ACTR3C: variants seen among roughly 807,000 people sequenced by gnomAD.
The protein encoded by ACTR3C is actin-related protein 3C.
A neutral mutation model predicts 26.3 loss-of-function variants in ACTR3C; 18 were observed. The ratio of observed to expected loss-of-function variants is 0.68; its 90% CI spans 0.47 to 1.01. The LOEUF (loss-of-function observed/expected upper bound fraction) is 1.01. Ranked by LOEUF, ACTR3C falls within the 50% of genes least tolerant of loss-of-function variation. ACTR3C has a pLI of 0.00. For missense variants in ACTR3C, 184 were observed against 250.7 expected, an observed-to-expected ratio of 0.73 and a Z score of 1.80; for synonymous variants, 55 against 94.5, an observed-to-expected ratio of 0.58 and a Z score of 2.42.
chr7:150,263,298 C>T (rs1170014927), intron 6 of ACTR3C, among the ~76,000 whole-genome samples: 1 of 152,190 alleles, frequency 6.6e-6, no homozygotes, highest in African/African-American at 2.4e-5. Flanking sequence ...TATCTGGAGA[C>T]CTCATATTTC....
the ACTR3C span, among the ~76,000 whole-genome samples, chr7:150,156,141 C>A: frequency 2.4e-4 from 36 of 151,776 alleles, no homozygotes; most frequent in Non-Finnish European, 4.0e-4. Context: ...TGCTGTCCAG[C>A]CTCCCTGACT....
the ACTR3C span, among the ~76,000 whole-genome samples, chr7:150,048,100 G>C: frequency 6.6e-6 from 1 of 152,056 alleles, no homozygotes; most frequent in Non-Finnish European, 1.5e-5. Context: ...GGCTCTGGCT[G>C]TTCTTTCTCT....
chr7:149,996,819 A>T, the ACTR3C span, among the ~76,000 whole-genome samples: 1 of 151,116 alleles, frequency 6.6e-6, no homozygotes, highest in African/African-American at 2.4e-5. Flanking sequence ...CAGAAACCTG[A>T]CTGTTATGCT....
the ACTR3C span, among the ~76,000 whole-genome samples, chr7:150,156,309 T>C: frequency 2.0e-5 from 3 of 152,026 alleles, no homozygotes; most frequent in Non-Finnish European, 4.4e-5. Flanking sequence ...AACTATGCAC[T>C]AATAGAACAG....
the ACTR3C span, among the ~76,000 whole-genome samples, chr7:150,209,571 T>C: frequency 2.0e-5 from 3 of 150,876 alleles, no homozygotes; most frequent in African/African-American, 5.0e-5. Flanking sequence ...GTTATCCACA[T>C]TGCAAGCATC....
At chr7:150,031,304 C>A in the ACTR3C span, among the ~76,000 whole-genome samples, 1 of 150,632 alleles carries the variant, frequency 6.6e-6, no homozygotes, top group Non-Finnish European at 1.5e-5. Context: ...CTGAACCTAG[C>A]CGTGGCTGAT....
the ACTR3C span, among the ~76,000 whole-genome samples, chr7:150,138,179 C>G: frequency 6.6e-6 from 1 of 152,064 alleles, no homozygotes; most frequent in Admixed American, 6.6e-5. Flanking sequence ...GTTGTGACAC[C>G]AAGTAGACAA....
chr7:149,921,287 T>C, the ACTR3C span, among the ~76,000 whole-genome samples: 451 of 152,288 alleles, frequency 3.0e-3, 3 homozygotes, highest in African/African-American at 8.3e-3. Context: ...CTCCCACAGC[T>C]TCCATCTTCT....
chr7:150,192,449 A>G, the ACTR3C span, among the ~76,000 whole-genome samples: 1 of 152,112 alleles, frequency 6.6e-6, no homozygotes, highest in African/African-American at 2.4e-5. Flanking sequence ...TTGCAGGTGC[A>G]TATCACCACG....
the ACTR3C span, among the ~76,000 whole-genome samples, chr7:149,916,188 A>G: frequency 1.0e-5 from 1 of 100,294 alleles, no homozygotes; most frequent in African/African-American, 3.1e-5. Flanking sequence ...TTTGGATAAT[A>G]TTTCCTAATT....
At chr7:150,217,990 A>G in the ACTR3C span, among the ~76,000 whole-genome samples, 1 of 152,082 alleles carries the variant, frequency 6.6e-6, no homozygotes, top group Non-Finnish European at 1.5e-5. Flanking sequence ...GAATGAGACC[A>G]AACAAAAGTG....
At chr7:150,020,960 A>G in the ACTR3C span, among the ~76,000 whole-genome samples, 2 of 151,886 alleles carry the variant, frequency 1.3e-5, no homozygotes, top group Non-Finnish European at 2.9e-5. Context: ...AGCTGAGATT[A>G]CAGGCACCCG....
chr7:150,021,953 T>C, the ACTR3C span, among the ~76,000 whole-genome samples: 1 of 151,926 alleles, frequency 6.6e-6, no homozygotes, highest in African/African-American at 2.4e-5. Flanking sequence ...CTTTTTCATA[T>C]AATGACTTAT....
the ACTR3C span, among the ~76,000 whole-genome samples, chr7:150,229,486 A>C: frequency 6.6e-6 from 1 of 150,836 alleles, no homozygotes; most frequent in Non-Finnish European, 1.5e-5. Context: ...TATTAGAGTG[A>C]ATCTTTTTTT....
At chr7:150,299,460 C>T (rs535079790) in intron 1 of ACTR3C, among the ~76,000 whole-genome samples, 109 of 110,816 alleles carry the variant, frequency 9.8e-4, no homozygotes, top group Non-Finnish European at 1.6e-3. Flanking sequence ...TAGAGACCCC[C>T]TCTCAAAAAA....
At chr7:150,163,364 GTA>G in the ACTR3C span, among the ~76,000 whole-genome samples, 34,764 of 149,178 alleles carry the variant, frequency 0.23, 4,477 homozygotes, top group African/African-American at 0.34. Flanking sequence ...GTGTGTGTGT[GTA>G]TATATATATA....
chr7:149,978,288 T>C, the ACTR3C span, among the ~76,000 whole-genome samples: 40 of 152,192 alleles, frequency 2.6e-4, no homozygotes, highest in Middle Eastern at 3.4e-3. Flanking sequence ...CAGGGGTTCA[T>C]GGCCCCTCCT....
the ACTR3C span, among the ~76,000 whole-genome samples, chr7:150,049,445 C>A: frequency 2.6e-5 from 4 of 152,246 alleles, no homozygotes; most frequent in African/African-American, 7.2e-5. Flanking sequence ...CCGCCTCCTT[C>A]CACATGGAGG....
At chr7:149,883,303 GT>G in the ACTR3C span, among the ~76,000 whole-genome samples, 1 of 152,170 alleles carries the variant, frequency 6.6e-6, no homozygotes, top group Non-Finnish European at 1.5e-5. Context: ...CCCAACTTCT[GT>G]TAGAGTTATC....
Sources: gnomAD v4.1 joint callset for allele counts (sites outside exome capture counted in the v4.1 genomes callset) on GRCh38, gnomAD v4.1.1 for gene constraint, MANE v1.5 for transcripts, NCBI Gene and HGNC (gene_info 2026-07-23, HGNC 2026-07-21) for gene names.